Variants in BTK observed in about 807,000 individuals in gnomAD.
BTK encodes tyrosine-protein kinase BTK.
Under a neutral mutation model 57.4 loss-of-function variants are expected in BTK, and 5 were observed. The ratio of observed to expected loss-of-function variants is 0.09; its 90% CI spans 0.05 to 0.18. The LOEUF is 0.18. Ranked by LOEUF, BTK falls within the 10% of genes least tolerant of loss-of-function variation. The probability of loss-of-function intolerance (pLI) is 1.00; values close to 1 mark genes in which losing one functional copy is unlikely to be tolerated. For synonymous variants in BTK, 154 were observed against 174.3 expected, an observed-to-expected ratio of 0.88 and a Z score of 0.92; for missense variants, 194 against 501.2, an observed-to-expected ratio of 0.39 and a Z score of 5.85.
At chrX:101,373,266 C>A (rs996429273) in intron 3 of BTK, among the ~76,000 whole-genome samples, 1 of 111,071 alleles carries the variant, frequency 9.0e-6, no homozygotes, top group Admixed American at 9.6e-5. Context: ...CAAAATTTTA[C>A]TTCTAGGAAA....
At chrX:101,357,111 G>T (rs1926509878) in intron 13 of BTK, among the ~76,000 whole-genome samples, 156 bp from the exon 14 acceptor site, 1 of 111,926 alleles carries the variant, frequency 8.9e-6, no homozygotes. Flanking sequence ...TCAGAAACGG[G>T]ATTCATTGGT....
At position 101,371,622 on chromosome X, in the gene BTK, A is replaced by G. The variant is rs782410263; in HGVS notation, c.309+11T>C. Reference sequence around the variant, plus strand: ...GGGCCTTTCGAGATTTGGTGAGAGAAAATAACTCACCTGGAAGGGATAAGG... The same window carrying G: ...GGGCCTTTCGAGATTTGGTGAGAGAGAATAACTCACCTGGAAGGGATAAGG... On this transcript the variant is annotated intron_variant, in intron 4 of 18. Transcript: ENST00000308731. The G allele has an allele frequency of 7.5e-6, 9 of 1,204,040 alleles. No homozygotes were observed. The Admixed American group carries it at 1.8e-4, about 23-fold the overall frequency.
chrX:101,371,878 C>T (rs1168962751), intron 3 of BTK, among the ~76,000 whole-genome samples, 177 bp from the exon 4 acceptor site: 3 of 111,825 alleles, frequency 2.7e-5, no homozygotes, highest in African/African-American at 9.8e-5. Context: ...CGACCCAACA[C>T]ATACCCAGTC....
Position 101,358,391 on chromosome X carries a change from G to C in BTK, c.1021C>G (p.Gln341Glu). The change falls in exon 12 of 19, where the codon CAG (glutamine) becomes GAG (glutamate). Residue 341 changes from glutamine to glutamate, a missense_variant. This residue lies in a region of BTK where 115 missense variants were observed against 258.3 expected (regional missense o/e 0.45). Coordinates refer to ENST00000308731, the MANE Select transcript of BTK (RefSeq NM_000061.3). ...TTCTCAGCCAGGTAATACTGGCTCTGAGGTGTGGAACACACAACATAATGA... is the reference window on the plus strand; with the variant it reads ...TTCTCAGCCAGGTAATACTGGCTCTCAGGTGTGGAACACACAACATAATGA... ...IRHYVVCSTPQSQYYLAEKHL... is the reference protein window; with the variant it reads ...IRHYVVCSTPESQYYLAEKHL... 2 of 1,211,757 alleles carry C rather than the reference G, an allele frequency of 1.7e-6. No homozygotes were observed. Among genetic ancestry groups the C allele is most frequent in the Non-Finnish European group, 2.2e-6 (2 of 895,397 alleles).
chrX:101,351,007 T>A (rs1346534933), intron 18 of BTK, among the ~76,000 whole-genome samples: 1 of 111,873 alleles, frequency 8.9e-6, no homozygotes, highest in Non-Finnish European at 1.9e-5. Context: ...TACCTGAATT[T>A]TTTTTTGTGA....
At chrX:101,378,216 C>T (rs1391270875) in intron 1 of BTK, among the ~76,000 whole-genome samples, 4 of 109,618 alleles carry the variant, frequency 3.6e-5, no homozygotes, top group South Asian at 4.0e-4. Flanking sequence ...CCCAAGTAGC[C>T]GGGATTACAG....
intron 1 of BTK, among the ~76,000 whole-genome samples, chrX:101,381,754 G>A (rs1555981772): frequency 9.0e-6 from 1 of 111,082 alleles, no homozygotes; most frequent in Non-Finnish European, 1.9e-5. Context: ...ATATGGCCAC[G>A]TGTGGTAGCT....
At chrX:101,353,435 AT>A (rs2147424403) in intron 17 of BTK, 84 bp from the exon 18 acceptor site, 1 of 1,011,099 alleles carries the variant, frequency 9.9e-7, no homozygotes, top group Non-Finnish European at 1.4e-6. Flanking sequence ...AACCTCAAAG[AT>A]TAGAATCAGT....
intron 5 of BTK, among the ~76,000 whole-genome samples, chrX:101,365,158 A>G (rs6523488): frequency 0.014 from 1,594 of 111,348 alleles, 32 homozygotes; most frequent in African/African-American, 0.049. Context: ...CCCTGCCAGG[A>G]TTGATTACTC....
chrX:101,387,063 G>A (rs1261271458), upstream of BTK, among the ~76,000 whole-genome samples: 1 of 111,671 alleles, frequency 9.0e-6, no homozygotes, highest in Non-Finnish European at 1.9e-5. Context: ...GACACCTCGG[G>A]CACTGCCATA....
In BTK at chrX:101,349,456, G is replaced by A; in HGVS notation, c.*429C>T. The A allele has an allele frequency of 5.5e-6, 1 of 182,189 alleles. No individual in the cohort carries two copies. The highest frequency in any genetic ancestry group is 2.9e-5 in the African/African-American group (1 of 33,949). The allele number at this position is 182,189 out of a possible 1,213,427, so 15.0% of individuals were successfully genotyped here. On this transcript the variant is annotated 3_prime_UTR_variant, in exon 19 of 19. Coordinates refer to ENST00000308731, the MANE Select transcript of BTK (RefSeq NM_000061.3). The stretch of plus-strand genomic sequence containing the variant: ...TAATAGAGATACCAAAGACTTTCAA[G>A]CTTTCTAGTAATTTTATTTTATCAA...
rs1022613301 is a variant in BTK at position 101,360,286 on chromosome X, T to C, written c.777-136A>G. 137 of 551,830 alleles carry C rather than the reference T, an allele frequency of 2.5e-4. 1 individual carries two copies. In the Admixed American group the frequency reaches 3.3e-3, roughly 13 times the overall value. The allele number at this position is 551,830 out of a possible 1,213,427, so 45.5% of individuals were successfully genotyped here. Reference sequence around the variant, plus strand: ...TATCATGCACCTCCCTCAAAGACAATCATGTCTCTGATGCATGGTTAGGCA... The same window carrying C: ...TATCATGCACCTCCCTCAAAGACAACCATGTCTCTGATGCATGGTTAGGCA... On this transcript the variant is annotated intron_variant, in intron 8 of 18. Coordinates refer to ENST00000308731, the MANE Select transcript of BTK (RefSeq NM_000061.3).
At chrX:101,350,107 A>C in intron 18 of BTK, 151 bp from the exon 19 acceptor site, 1 of 447,912 alleles carries the variant, frequency 2.2e-6, no homozygotes, top group Non-Finnish European at 3.8e-6. Context: ...AAAAAAAAAG[A>C]AATAGCAGCT....
rs782318609 is a variant in BTK, at chrX:101,362,320, C to G, written c.521-80G>C. 1.4e-5 allele frequency: 16 copies of G among 1,111,467 alleles called. No homozygotes were observed. The African/African-American group carries it at 2.7e-4, about 19-fold the overall frequency. 91.6% of individuals were successfully genotyped at this position (1,111,467 alleles called of 1,213,427 possible). Reference sequence around the variant, plus strand: ...GGACAGGTTTGGTCAGGGACTTTGCCGTCCATATTGAGTGCCTTTAGGCAA... The same window carrying G: ...GGACAGGTTTGGTCAGGGACTTTGCGGTCCATATTGAGTGCCTTTAGGCAA... On this transcript the variant is annotated intron_variant, in intron 6 of 18. Coordinates refer to ENST00000308731, the MANE Select transcript of BTK (RefSeq NM_000061.3).
At chrX:101,372,215 A>T (rs1927057009) in intron 3 of BTK, among the ~76,000 whole-genome samples, 1 of 112,214 alleles carries the variant, frequency 8.9e-6, no homozygotes, top group African/African-American at 3.2e-5. Flanking sequence ...GGCAAAAAGC[A>T]TCATAAACAA....
At chrX:101,355,728 G>A (rs1555977757) in intron 15 of BTK, 1 of 326,675 alleles carries the variant, frequency 3.1e-6, no homozygotes, top group African/African-American at 2.6e-5. Context: ...CCCCATGCCA[G>A]GAGCAGTCCC....
intron 5 of BTK, 100 bp from the exon 6 acceptor site, chrX:101,362,789 GC>G: frequency 8.8e-7 from 1 of 1,141,061 alleles, no homozygotes; most frequent in Middle Eastern, 2.4e-4. Context: ...TCAAGCAACT[GC>G]CCCCTCCTTG....
intron 2 of BTK, 23 bp downstream of exon 2, chrX:101,375,121 G>C (rs1214041945): frequency 8.3e-7 from 1 of 1,208,839 alleles, no homozygotes; most frequent in Admixed American, 2.2e-5. Context: ...TTGAAACTCA[G>C]TTTTCATAGT....
At chrX:101,378,043 G>C (rs1555981296) in intron 1 of BTK, 1 of 111,037 alleles carries the variant, frequency 9.0e-6, no homozygotes, top group African/African-American at 3.3e-5. Context: ...AAAGTAGTTA[G>C]AGGGTAAAGC....
Sources: gnomAD v4.1 joint callset for allele counts (sites outside exome capture counted in the v4.1 genomes callset) on GRCh38, gnomAD v4.1.1 for gene constraint, gnomAD v4.1.1 regional missense constraint, MANE v1.5 for transcripts, NCBI Gene and HGNC (gene_info 2026-07-23, HGNC 2026-07-21) for gene names.